Variants in LRFN2 observed in about 807,000 individuals in gnomAD.
LRFN2 encodes leucine rich repeat and fibronectin type III domain containing 2, also known as leucine-rich repeat and fibronectin type-III domain-containing protein 2.
Under a neutral mutation model 37.3 loss-of-function variants are expected in LRFN2, and 18 were observed. The observed-to-expected ratio is 0.48, with a 90% CI of 0.33 to 0.72. LRFN2 has a LOEUF of 0.72. Among genes scored for constraint, LRFN2 ranks in the 30% least tolerant of loss-of-function variants. The pLI, the probability that LRFN2 is intolerant of heterozygous loss-of-function variation, is 0.02. For synonymous variants in LRFN2, 556 were observed against 466.6 expected, an observed-to-expected ratio of 1.19 and a Z score of -2.47; for missense variants, 1,006 against 1,060.7, an observed-to-expected ratio of 0.95 and a Z score of 0.72.
chr6:40,574,520 TG>T, intron 1 of LRFN2, among the ~76,000 whole-genome samples: 1 of 149,566 alleles, frequency 6.7e-6, no homozygotes, highest in Non-Finnish European at 1.5e-5. Flanking sequence ...CATCACGGGG[TG>T]GGGGGTGGCG....
intron 1 of LRFN2, among the ~76,000 whole-genome samples, chr6:40,577,804 T>C (rs1490950372): frequency 4.5e-5 from 5 of 111,102 alleles, no homozygotes; most frequent in African/African-American, 1.8e-4. Flanking sequence ...AATAAATAAA[T>C]AAATAAAAAT....
At chr6:40,394,900 G>A (rs2113791698) in intron 2 of LRFN2, among the ~76,000 whole-genome samples, 1 of 151,208 alleles carries the variant, frequency 6.6e-6, no homozygotes, top group African/African-American at 2.4e-5. Context: ...TGCCATGATT[G>A]TGAGGCCTCC....
chr6:40,520,040 G>A (rs1216920671), intron 1 of LRFN2, among the ~76,000 whole-genome samples: 4 of 152,154 alleles, frequency 2.6e-5, no homozygotes, highest in East Asian at 3.9e-4. Flanking sequence ...AGGGTGTGTA[G>A]GACAGAGTGC....
intron 1 of LRFN2, among the ~76,000 whole-genome samples, chr6:40,510,519 G>A (rs750921463): frequency 3.3e-5 from 5 of 152,198 alleles, no homozygotes; most frequent in South Asian, 2.1e-4. Context: ...GTAAGAAAGT[G>A]CATATTAATC....
intron 1 of LRFN2, among the ~76,000 whole-genome samples, chr6:40,573,233 T>G (rs1443269705): frequency 6.6e-6 from 1 of 152,174 alleles, no homozygotes; most frequent in East Asian, 1.9e-4. Flanking sequence ...CCCTGACTAT[T>G]CCAGAGGCCA....
intron 2 of LRFN2, among the ~76,000 whole-genome samples, chr6:40,430,192 T>G (rs1763446942): frequency 6.6e-6 from 1 of 152,226 alleles, no homozygotes; most frequent in Admixed American, 6.5e-5. Flanking sequence ...GATGTGACAC[T>G]GCTATCCAGA....
chr6:40,516,040 G>A (rs1297819444), intron 1 of LRFN2, among the ~76,000 whole-genome samples: 1 of 152,146 alleles, frequency 6.6e-6, no homozygotes, highest in Admixed American at 6.5e-5. Flanking sequence ...ACCAGGGATA[G>A]GTGGCTTGAA....
chr6:40,425,959 T>C (rs1424770794), intron 2 of LRFN2, among the ~76,000 whole-genome samples: 1 of 152,216 alleles, frequency 6.6e-6, no homozygotes, highest in African/African-American at 2.4e-5. Context: ...TTTCAGACAT[T>C]GCTCTTAGCT....
intron 2 of LRFN2, among the ~76,000 whole-genome samples, chr6:40,410,577 T>C (rs1242791215): frequency 6.6e-6 from 1 of 152,234 alleles, no homozygotes; most frequent in Non-Finnish European, 1.5e-5. Flanking sequence ...TCAGAAGTAA[T>C]GTACACCAAG....
At chr6:40,453,772 C>T (rs1425995354) in intron 1 of LRFN2, among the ~76,000 whole-genome samples, 2 of 152,124 alleles carry the variant, frequency 1.3e-5, no homozygotes, top group Admixed American at 1.3e-4. Flanking sequence ...GTTTTGTGCC[C>T]AAGGATCAGT....
chr6:40,547,349 C>T (rs1053227270), intron 1 of LRFN2, among the ~76,000 whole-genome samples: 1 of 152,118 alleles, frequency 6.6e-6, no homozygotes, highest in East Asian at 1.9e-4. Flanking sequence ...AGGTGATCTG[C>T]CCACCTTAGC....
In LRFN2 at chr6:40,565,555, G is replaced by C. The variant is rs563272708; in HGVS notation, c.-19+21386C>G. On this transcript the variant is annotated intron_variant, in intron 1 of 2. Coordinates refer to ENST00000338305, the MANE Select transcript of LRFN2 (RefSeq NM_020737.3). Reference sequence around the variant, plus strand: ...AACAGAGATATAGACCAATGGAACAGAGCAGAGCCCTCAGAAATATTGCCA... The same window carrying C: ...AACAGAGATATAGACCAATGGAACACAGCAGAGCCCTCAGAAATATTGCCA... 2.1e-3 allele frequency among the ~76,000 whole-genome samples: 317 copies of C among 152,346 alleles called. 1 individual carries two copies. The highest frequency in any genetic ancestry group is 7.1e-3 in the African/African-American group (297 of 41,580).
chr6:40,482,422 G>A (rs1171247799), intron 1 of LRFN2, among the ~76,000 whole-genome samples: 1 of 152,116 alleles, frequency 6.6e-6, no homozygotes, highest in African/African-American at 2.4e-5. Context: ...ACCATCCTCA[G>A]GGGTGGAACC....
At chr6:40,420,224 G>A (rs1763190707) in intron 2 of LRFN2, among the ~76,000 whole-genome samples, 1 of 152,206 alleles carries the variant, frequency 6.6e-6, no homozygotes, top group Admixed American at 6.5e-5. Context: ...TCACCCCGGG[G>A]TGGCCCATCG....
chr6:40,453,638 A>G (rs190816748), intron 1 of LRFN2, among the ~76,000 whole-genome samples: 159 of 152,192 alleles, frequency 1.0e-3, no homozygotes, highest in African/African-American at 3.6e-3. Flanking sequence ...TCTGAGTTAA[A>G]AAGACACTCT....
chr6:40,428,224 G>C (rs888651534), intron 2 of LRFN2, among the ~76,000 whole-genome samples: 2 of 152,182 alleles, frequency 1.3e-5, no homozygotes, highest in Non-Finnish European at 2.9e-5. Context: ...GGGGAAGATG[G>C]AGGCAAGTTG....
At chr6:40,566,972 A>G (rs571007216) in intron 1 of LRFN2, among the ~76,000 whole-genome samples, 2 of 152,300 alleles carry the variant, frequency 1.3e-5, no homozygotes, top group African/African-American at 2.4e-5. Context: ...AAAGAGAACC[A>G]CTTAAAGTAT....
At chr6:40,396,345 G>A (rs530452096) in intron 2 of LRFN2, among the ~76,000 whole-genome samples, 11 of 152,274 alleles carry the variant, frequency 7.2e-5, no homozygotes, top group Non-Finnish European at 1.3e-4. Flanking sequence ...TGACCCCTGG[G>A]TCATGCTGCC....
intron 1 of LRFN2, among the ~76,000 whole-genome samples, chr6:40,542,121 T>C (rs781775549): frequency 2.6e-5 from 4 of 152,174 alleles, no homozygotes; most frequent in Non-Finnish European, 4.4e-5. Flanking sequence ...ACACACATAC[T>C]CCATTTCCAA....
Sources: allele counts gnomAD v4.1 joint callset (sites outside exome capture counted in the v4.1 genomes callset), GRCh38; gene constraint gnomAD v4.1.1; transcripts MANE v1.5; gene names NCBI Gene and HGNC (gene_info 2026-07-23, HGNC 2026-07-21).